FMO5: variants seen among roughly 807,000 people sequenced by gnomAD.
FMO5 encodes the protein flavin containing dimethylaniline monoxygenase 5.
Under a neutral mutation model 43.6 loss-of-function variants are expected in FMO5, and 51 were observed. The observed-to-expected ratio is 1.17, with a 90% CI of 0.93 to 1.48. The LOEUF (loss-of-function observed/expected upper bound fraction) is 1.48. Among genes scored for constraint, FMO5 ranks in the 40% most tolerant of loss-of-function variants. FMO5 has a pLI of 0.00. For synonymous variants in FMO5, 187 were observed against 216.5 expected, an observed-to-expected ratio of 0.86 and a Z score of 1.20; for missense variants, 644 against 643.0, an observed-to-expected ratio of 1.00 and a Z score of -0.02.
At chr1:147,198,872 A>AAAAAAAAAAAAAAAAG (rs1553920319) in intron 7 of FMO5, among the ~76,000 whole-genome samples, 1 of 144,594 alleles carries the variant, frequency 6.9e-6, no homozygotes, top group Admixed American at 6.9e-5. Context: ...AAAAAAAAAA[A>AAAAAAAAAAAAAAAAG]AAAGAAAGAA....
In FMO5 at chr1:147,224,963, C is replaced by T. The variant is rs587653353; in HGVS notation, c.67G>A (p.Val23Ile). ...VSGLSSIKCC[V>I]EEGLEPVCFE... Reference sequence around the variant, plus strand: ...CAGACAGGTTCCAAGCCTTCTTCTACGCAGCACTTGATGGAAGAGAGCCCG... The same window carrying T: ...CAGACAGGTTCCAAGCCTTCTTCTATGCAGCACTTGATGGAAGAGAGCCCG... Residue 23 changes from valine (V) to isoleucine (I), a missense_variant, in exon 2 of 9, where the codon GTA becomes ATA. Physicochemically the swap from Val to Ile is conservative, Grantham distance 29. Transcript: ENST00000254090. The T allele has an allele frequency of 7.4e-6, 12 of 1,614,058 alleles. No homozygotes were observed. The African/African-American group carries it at 8.0e-5, about 11-fold the overall frequency.
At chr1:147,207,725 C>T (rs587634194) in intron 6 of FMO5, among the ~76,000 whole-genome samples, 2 of 152,236 alleles carry the variant, frequency 1.3e-5, no homozygotes, top group African/African-American at 4.8e-5. Context: ...ACCCTGGTTC[C>T]GGGAATACCT....
intron 1 of FMO5, 98 bp from the exon 2 acceptor site, chr1:147,225,164 T>C: frequency 6.6e-7 from 1 of 1,523,156 alleles, no homozygotes; most frequent in Non-Finnish European, 8.8e-7. Context: ...GTACAAGAGG[T>C]GTCTTGAGGA....
Position 147,225,040 on chromosome 1 carries a change from G to A in FMO5, c.-11C>T, listed in dbSNP as rs1553927395. On this transcript the variant is annotated 5_prime_UTR_variant, in exon 2 of 9. Coordinates refer to ENST00000254090, the MANE Select transcript of FMO5 (RefSeq NM_001461.4). ...TCTTTTCTTAGTCATGGTCTCCCGAGATCTTCACCTGTTAGTGTCGCCTGT... is the reference window on the plus strand; with the variant it reads ...TCTTTTCTTAGTCATGGTCTCCCGAAATCTTCACCTGTTAGTGTCGCCTGT... 6.2e-7 allele frequency: 1 copy of A among 1,614,104 alleles called. No individual in the cohort carries two copies. Among genetic ancestry groups the A allele is most frequent in the East Asian group, 2.2e-5 (1 of 44,868 alleles).
intron 2 of FMO5, among the ~76,000 whole-genome samples, chr1:147,216,963 G>A (rs935117310): frequency 6.6e-6 from 1 of 152,128 alleles, no homozygotes; most frequent in Non-Finnish European, 1.5e-5. Flanking sequence ...TATTGAGGCC[G>A]GGCGTGGTGG....
At position 147,201,263 on chromosome 1, in the gene FMO5, G is replaced by A. The variant is rs1334615714; in HGVS notation, c.1072C>T (p.Pro358Ser). Residue 358 changes from proline (P) to serine (S), a missense_variant, in exon 7 of 9, where the codon CCT (proline) becomes TCT (serine). Coordinates refer to ENST00000254090, the MANE Select transcript of FMO5 (RefSeq NM_001461.4). ...NKISLYKKVF[P>S]PNLERPTLAI... ...AGAGTTGGCCTTTCCAGGTTAGGAG[G>A]GAAGACCTTTTTATACAGGGATATC... 1 of 1,613,994 alleles carries A rather than the reference G, an allele frequency of 6.2e-7. No individual in the cohort carries two copies. Among genetic ancestry groups the A allele is most frequent in the Admixed American group, 1.7e-5 (1 of 59,988 alleles).
rs1049282674 is a variant in FMO5 at position 147,186,326 on chromosome 1, C to T, written c.*574G>A. The T allele has an allele frequency of 1.0e-6, 1 of 981,380 alleles. No homozygotes were observed. The highest frequency in any genetic ancestry group is 1.2e-6 in the Non-Finnish European group (1 of 826,414). The allele number at this position is 981,380 out of a possible 1,614,324, so 60.8% of individuals were successfully genotyped here. A position where few individuals can be genotyped will look rare whatever the true frequency, so the allele number is the denominator to read the frequency against. On this transcript the variant is annotated 3_prime_UTR_variant, in exon 9 of 9. Coordinates refer to ENST00000254090, the MANE Select transcript of FMO5 (RefSeq NM_001461.4). Reference sequence around the variant, plus strand: ...CCTAAGGAAAAGGGCTAAAAATGACCATGTTTCAAGTACACTAGTGAATAG... The same window carrying T: ...CCTAAGGAAAAGGGCTAAAAATGACTATGTTTCAAGTACACTAGTGAATAG...
chr1:147,221,016 C>T (rs185357498), intron 2 of FMO5, among the ~76,000 whole-genome samples: 199 of 150,248 alleles, frequency 1.3e-3, no homozygotes, highest in Admixed American at 6.6e-3. Context: ...AGAATGGCAC[C>T]TTATAATATT....
chr1:147,217,626 C>T (rs1415496704), intron 2 of FMO5, among the ~76,000 whole-genome samples: 1 of 152,146 alleles, frequency 6.6e-6, no homozygotes, highest in Non-Finnish European at 1.5e-5. Flanking sequence ...ATTTCTCTGA[C>T]CTATAATCCA....
Position 147,201,190 on chromosome 1 carries a change from G to C in FMO5, c.1145C>G (p.Ser382Ter). 6.2e-7 allele frequency: 1 copy of C among 1,613,986 alleles called. No homozygotes were observed. The highest frequency in any genetic ancestry group is 8.5e-7 in the Non-Finnish European group (1 of 1,179,952). Reference sequence around the variant, plus strand: ...AGTGGCCCAGCGTCCTTGGAGCTCTGAAATGGGCATAATGGCTCCTAAGGG... The same window carrying C: ...AGTGGCCCAGCGTCCTTGGAGCTCTCAAATGGGCATAATGGCTCCTAAGGG... ...IQPLGAIMPI[S>*]ELQGRWATQV... The change falls in exon 7 of 9, where the codon TCA becomes TGA. Residue 382 changes from serine (S) to a stop codon, truncating the protein, a stop_gained. Transcript: ENST00000254090. LOFTEE classifies it high-confidence loss of function.
intron 6 of FMO5, among the ~76,000 whole-genome samples, chr1:147,202,251 C>T (rs1489870759): frequency 6.6e-6 from 1 of 150,378 alleles, no homozygotes; most frequent in Non-Finnish European, 1.5e-5. Flanking sequence ...ATTTTTTTGC[C>T]ATTACTTTTA....
intron 7 of FMO5, among the ~76,000 whole-genome samples, chr1:147,198,605 C>T (rs1227004048): frequency 6.6e-6 from 1 of 151,686 alleles, no homozygotes; most frequent in African/African-American, 2.4e-5. Context: ...AATCCCAGCA[C>T]TTTGGGAGGC....
chr1:147,220,686 C>T (rs1241698214), intron 2 of FMO5, among the ~76,000 whole-genome samples: 5 of 152,064 alleles, frequency 3.3e-5, no homozygotes, highest in East Asian at 1.9e-4. Context: ...AACTTTTTAA[C>T]GCATGTTGAG....
At chr1:147,192,839 G>C (rs2101743041) in intron 7 of FMO5, among the ~76,000 whole-genome samples, 1 of 152,286 alleles carries the variant, frequency 6.6e-6, no homozygotes, top group African/African-American at 2.4e-5. Context: ...TGTTGAACCA[G>C]CCTTGCATCC....
chr1:147,224,281 C>G (rs1237937058), intron 2 of FMO5: 1 of 190,930 alleles, frequency 5.2e-6, no homozygotes, highest in Non-Finnish European at 1.1e-5. Flanking sequence ...TGTCCTGGGT[C>G]CTAAATCTGT....
At chr1:147,205,320 A>G (rs7532458) in intron 6 of FMO5, among the ~76,000 whole-genome samples, 5,609 of 152,288 alleles carry the variant, frequency 0.037, 148 homozygotes, top group South Asian at 0.095. Context: ...GAGAAACTTG[A>G]TGGTATCTAT....
intron 6 of FMO5, among the ~76,000 whole-genome samples, chr1:147,205,667 A>G (rs1195361630): frequency 6.6e-6 from 1 of 152,234 alleles, no homozygotes; most frequent in East Asian, 1.9e-4. Flanking sequence ...AAATGGGGAA[A>G]GGATTCCCTA....
At chr1:147,199,598 A>G (rs1553920481) in intron 7 of FMO5, among the ~76,000 whole-genome samples, 2 of 152,322 alleles carry the variant, frequency 1.3e-5, no homozygotes, top group East Asian at 3.9e-4. Flanking sequence ...CCAGTTGCTT[A>G]AAGTATACTA....
At chr1:147,184,705 TACTATCAGTGTG>T, downstream of FMO5, 1 of 1,408,554 alleles carries the variant, frequency 7.1e-7, no homozygotes, top group East Asian at 2.7e-5. The surrounding 1 kb of genome is among the most constrained non-coding windows in gnomAD (Gnocchi z 4.4). Context: ...CAAAGGTACA[TACTATCAGTGTG>T]ACTTATTACT....
Sources: gnomAD v4.1 joint callset for allele counts (sites outside exome capture counted in the v4.1 genomes callset) on GRCh38, gnomAD v4.1.1 for gene constraint, Gnocchi (gnomAD v3.1) non-coding constraint, MANE v1.5 for transcripts, NCBI Gene and HGNC (gene_info 2026-07-23, HGNC 2026-07-21) for gene names.